Variants in TRANK1 observed in about 807,000 individuals in gnomAD.
TRANK1 encodes the protein tetratricopeptide repeat and ankyrin repeat containing 1, also known as TPR and ankyrin repeat-containing protein 1.
A neutral mutation model predicts 266.0 loss-of-function variants in TRANK1; 198 were observed. The ratio of observed to expected loss-of-function variants is 0.74; its 90% confidence interval spans 0.66 to 0.84. The LOEUF (loss-of-function observed/expected upper bound fraction) is 0.84, where lower values mean the gene tolerates loss of function less well. Among genes scored for constraint, TRANK1 ranks in the 40% least tolerant of loss-of-function variants. The pLI, the probability that TRANK1 is intolerant of heterozygous loss-of-function variation, is 0.00. For synonymous variants in TRANK1, 1,396 were observed against 1,384.1 expected (o/e 1.01, Z -0.19); for missense variants, 3,326 against 3,634.6 (o/e 0.92, Z 2.18).
chr3:36,892,468 T>C (rs562398689), intron 6 of TRANK1, 128 bp from the exon 7 acceptor site: 128 of 1,175,066 alleles, frequency 1.1e-4, no homozygotes, highest in Non-Finnish European at 1.3e-4. Flanking sequence ...CTAGGATTAT[T>C]ATAAATAACA....
chr3:36,854,643 T>C (rs1323013376), intron 13 of TRANK1, among the ~76,000 whole-genome samples: 1 of 152,214 alleles, frequency 6.6e-6, no homozygotes, highest in Non-Finnish European at 1.5e-5. Flanking sequence ...GCAGTGGTGT[T>C]ATGAAGATTA....
At chr3:36,897,605 T>C (rs1211129439) in intron 4 of TRANK1, among the ~76,000 whole-genome samples, 1 of 152,208 alleles carries the variant, frequency 6.6e-6, no homozygotes, top group Admixed American at 6.5e-5. Context: ...TTGATAACAG[T>C]CTATCCATTG....
intron 20 of TRANK1, among the ~76,000 whole-genome samples, chr3:36,838,164 C>G (rs912190353): frequency 1.3e-5 from 2 of 152,208 alleles, no homozygotes; most frequent in African/African-American, 4.8e-5. Context: ...AACACACACA[C>G]ACACACGCAC....
intron 1 of TRANK1, among the ~76,000 whole-genome samples, chr3:36,912,200 A>AG (rs1478932331): frequency 1.3e-5 from 2 of 152,096 alleles, no homozygotes; most frequent in African/African-American, 4.8e-5. Context: ...AAAAAAAAAA[A>AG]AGTGCTATAA....
chr3:36,856,370 T>C lies in TRANK1; in HGVS notation c.3352A>G (p.Arg1118Gly). The change falls in exon 13 of 24, where the codon AGG (arginine) becomes GGG (glycine). Residue 1118 changes from arginine to glycine, a missense_variant. By Grantham distance (125) the Arg-to-Gly change is moderately radical. Transcript: ENST00000645898. ...LLAKQVWLKR[R>G]LEVEPGKESP... ...TCTTTTCCGGGTTCCACTTCCAACC[T>C]TCTCTTCAGCCAGACCTGTTTGGCC... 1 of 1,588,180 alleles carries C rather than the reference T, an allele frequency of 6.3e-7. No individual in the cohort carries two copies. Among genetic ancestry groups the C allele is most frequent in the Non-Finnish European group, 8.6e-7 (1 of 1,167,062 alleles).
At chr3:36,906,587 C>T (rs1475332413) in intron 2 of TRANK1, among the ~76,000 whole-genome samples, 2 of 152,102 alleles carry the variant, frequency 1.3e-5, no homozygotes, top group African/African-American at 2.4e-5. Flanking sequence ...TCACAAGGGT[C>T]CCTATGATCG....
chr3:36,913,030 T>TTGTGTGTGTGTGTGTG lies in TRANK1; in HGVS notation c.24-4592_24-4577dup, dbSNP rs10633466. On this transcript the variant is annotated intron_variant, in intron 1 of 23. Coordinates refer to ENST00000645898, the MANE Select transcript of TRANK1 (RefSeq NM_001329998.2). ...TGAAGCTAGAAAGAGTATGTCTCTT[T>TTGTGTGTGTGTGTGTG]TGTGTGTGTGTGTGTGTGTGTGTGT... 3.8e-3 allele frequency among the ~76,000 whole-genome samples: 548 copies of TTGTGTGTGTGTGTGTG among 144,150 alleles called. 4 individuals carry two copies. Among genetic ancestry groups the TTGTGTGTGTGTGTGTG allele is most frequent in the African/African-American group, 0.013 (517 of 38,606 alleles). 94.6% of individuals were successfully genotyped at this position (144,150 alleles called of 152,430 possible).
At chr3:36,859,861 T>G (rs1018325329) in intron 11 of TRANK1, among the ~76,000 whole-genome samples, 6 of 152,072 alleles carry the variant, frequency 3.9e-5, no homozygotes, top group African/African-American at 1.4e-4. Context: ...AAAAAATAAA[T>G]TATAGAAGCC....
At position 36,855,904 on chromosome 3, in the gene TRANK1, G is replaced by C. The variant is rs773634724; in HGVS notation, c.3818C>G (p.Thr1273Ser). The C allele has an allele frequency of 6.2e-7, 1 of 1,613,554 alleles. No individual in the cohort carries two copies. Among genetic ancestry groups the C allele is most frequent in the South Asian group, 1.1e-5 (1 of 91,060 alleles). The change falls in exon 13 of 24, where the codon ACC (threonine) becomes AGC (serine). Residue 1273 changes from threonine (T) to serine (S), a missense_variant. Transcript: ENST00000645898. ...LRNEDGSLKR[T>S]IIGWSAQEES... ...TTCCTGTGCAGACCATCCTATGATG[G>C]TTCTTTTCAAGCTTCCATCTTCGTT... is the stretch of plus-strand genomic sequence containing the variant.
Position 36,855,465 on chromosome 3 carries a change from CCGGGATA to C in TRANK1, c.4250_4256del (p.Ile1417ArgfsTer32). On this transcript the variant is annotated frameshift_variant, in exon 13 of 24. Transcript: ENST00000645898. LOFTEE classifies it high-confidence loss of function. ...GGAGCACCCTGAGCTTCGACAGCCTCCGGGATATGTTGTACAGAACATCCTCTTCATC... is the reference window on the plus strand; with the variant it reads ...GGAGCACCCTGAGCTTCGACAGCCTCTGTTGTACAGAACATCCTCTTCATC... 3 of 1,613,968 alleles carry C rather than the reference CCGGGATA, an allele frequency of 1.9e-6. No homozygotes were observed. Among genetic ancestry groups the C allele is most frequent in the Non-Finnish European group, 2.5e-6 (3 of 1,179,884 alleles).
chr3:36,889,852 T>C lies in TRANK1; in HGVS notation c.884A>G (p.His295Arg). The change falls in exon 8 of 24, where the codon CAC becomes CGC. Residue 295 changes from histidine to arginine, a missense_variant. Transcript: ENST00000645898. ...ACGCTTAACGAGGTATCCTGGGGAG[T>C]GGGCAGCGACGACGTGCAGGACAGT... is the stretch of plus-strand genomic sequence containing the variant. ...GCTVLHVVAAHSPGYLVKRQT... is the reference protein window; with the variant it reads ...GCTVLHVVAARSPGYLVKRQT... The C allele has an allele frequency of 6.5e-7, 1 of 1,536,690 alleles. No homozygotes were observed. The highest frequency in any genetic ancestry group is 8.7e-7 in the Non-Finnish European group (1 of 1,146,732).
In TRANK1 at chr3:36,852,183, T is replaced by C. The variant is rs747744239; in HGVS notation, c.4712A>G (p.Lys1571Arg). ...SDLAILLRGN[K>R]RKTQPIEFGA... ...AAATTCAATGGGCTGAGTTTTCCTT[T>C]TATTCCCTCGTAGCAAAATTGCCAA... is the stretch of plus-strand genomic sequence containing the variant. The change falls in exon 14 of 24, where the codon AAA (lysine) becomes AGA (arginine). Residue 1571 changes from lysine to arginine, a missense_variant. Lys to Arg is a conservative substitution (Grantham distance 26). Transcript: ENST00000645898. The C allele has an allele frequency of 1.2e-6, 2 of 1,605,450 alleles. No homozygotes were observed. The highest frequency in any genetic ancestry group is 2.2e-5 in the East Asian group (1 of 44,858).
At chr3:36,848,561 AGAG>A (rs2078945392) in intron 15 of TRANK1, among the ~76,000 whole-genome samples, 1 of 152,228 alleles carries the variant, frequency 6.6e-6, no homozygotes, top group African/African-American at 2.4e-5. Flanking sequence ...TGAAGTGGAT[AGAG>A]TTTACTACCT....
chr3:36,921,211 A>G (rs773882813), intron 1 of TRANK1, among the ~76,000 whole-genome samples: 5 of 152,238 alleles, frequency 3.3e-5, no homozygotes, highest in Middle Eastern at 3.4e-3. Context: ...AAAATAGCCA[A>G]TTGGAATTAG....
rs2079060566 is a variant in TRANK1 at position 36,856,733 on chromosome 3, C to T, written c.2989G>A (p.Val997Met). 1 of 1,613,918 alleles carries T rather than the reference C, an allele frequency of 6.2e-7. No individual in the cohort carries two copies. The highest frequency in any genetic ancestry group is 1.3e-5 in the African/African-American group (1 of 74,916). The change falls in exon 13 of 24, where the codon GTG becomes ATG. Residue 997 changes from valine to methionine, a missense_variant. Physicochemically the swap from Val to Met is conservative, Grantham distance 21 (BLOSUM62 1). Coordinates refer to ENST00000645898, the MANE Select transcript of TRANK1 (RefSeq NM_001329998.2). ...CCCTTCTCGGCCTCTGTGTCCTCCA[C>T]ATAGCAGCGAGGTATACGCTTTTGA... is the stretch of plus-strand genomic sequence containing the variant. ...KIQKRIPRCY[V>M]EDTEAEKGRE...
rs748152715 is a variant in TRANK1 at position 36,831,857 on chromosome 3, T to A, written c.7726A>T (p.Ile2576Phe). ...AGAGGCTTGCAGTATGGCTGCAGGA[T>A]CTCCTCAGCATTCACTAGCATCACC... ...CLVMLVNAEE[I>F]LQPYCKPLLY... is the part of the protein sequence containing the mutation. Residue 2576 changes from isoleucine (I) to phenylalanine (F), a missense_variant, in exon 22 of 24, where the codon ATC becomes TTC. Physicochemically the swap from Ile to Phe is conservative, Grantham distance 21. Coordinates refer to ENST00000645898, the MANE Select transcript of TRANK1 (RefSeq NM_001329998.2). This position sits in a 1 kb window ranked among gnomAD's most constrained non-coding sequence, Gnocchi z 5.0. The A allele has an allele frequency of 6.2e-7, 1 of 1,613,896 alleles. No individual in the cohort carries two copies. The highest frequency in any genetic ancestry group is 8.5e-7 in the Non-Finnish European group (1 of 1,179,894).
In TRANK1 at chr3:36,855,211, T is replaced by C. The variant is rs2079034514; in HGVS notation, c.4511A>G (p.Lys1504Arg). The C allele has an allele frequency of 1.9e-6, 3 of 1,613,718 alleles. No homozygotes were observed. The highest frequency in any genetic ancestry group is 2.2e-5 in the South Asian group (2 of 91,062). ...DKQCAVRKPK[K>R]IHQLYQNYRS... ...GTAATTCTGGTACAGCTGGTGGATC[T>C]TCTTGGGCTTCCGGACAGCACACTG... Residue 1504 changes from lysine to arginine, a missense_variant, in exon 13 of 24, where the codon AAG becomes AGG. Lys to Arg is a conservative substitution (Grantham distance 26). Transcript: ENST00000645898.
intron 5 of TRANK1, among the ~76,000 whole-genome samples, 169 bp downstream of exon 5, chr3:36,895,471 G>C (rs781505685): frequency 3.9e-5 from 6 of 152,218 alleles, no homozygotes; most frequent in Admixed American, 6.5e-5. Context: ...ATGGAAACTG[G>C]CTAATTAATC....
chr3:36,910,413 T>A (rs1477796243), intron 1 of TRANK1, among the ~76,000 whole-genome samples: 1 of 152,178 alleles, frequency 6.6e-6, no homozygotes, highest in Non-Finnish European at 1.5e-5. Context: ...TTATAGAAGA[T>A]CCGTATGTTA....
Sources: allele counts gnomAD v4.1 joint callset (sites outside exome capture counted in the v4.1 genomes callset), GRCh38; gene constraint gnomAD v4.1.1; non-coding constraint Gnocchi (gnomAD v3.1); transcripts MANE v1.5; gene names NCBI Gene and HGNC (gene_info 2026-07-23, HGNC 2026-07-21).